The following DGKB variants were observed in gnomAD, a reference collection of about 807,000 sequenced individuals.
DGKB encodes the protein diacylglycerol kinase beta, also known as 90 kDa diacylglycerol kinase.
Under a neutral mutation model 114.3 loss-of-function variants are expected in DGKB, and 67 were observed. The observed-to-expected ratio is 0.59, with a 90% CI of 0.48 to 0.72. DGKB has a LOEUF of 0.72. DGKB is among the 30% of genes least tolerant of loss of function. The pLI is 0.00. For missense variants in DGKB, 907 were observed against 975.2 expected, an observed-to-expected ratio of 0.93 and a Z score of 0.93; for synonymous variants, 398 against 323.1, an observed-to-expected ratio of 1.23 and a Z score of -2.49.
intron 2 of DGKB, among the ~76,000 whole-genome samples, chr7:14,798,132 A>G (rs552393406): frequency 4.6e-5 from 7 of 152,224 alleles, no homozygotes; most frequent in African/African-American, 1.7e-4. Context: ...CATAATTCAG[A>G]AGGGAGCAAT....
chr7:14,890,462 G>A (rs1359957783), intron 1 of DGKB, among the ~76,000 whole-genome samples: 1 of 151,246 alleles, frequency 6.6e-6, no homozygotes, highest in African/African-American at 2.4e-5. Context: ...TTACTTCCAT[G>A]GAAAAATGAT....
At chr7:14,218,395 A>C (rs1209427819) in intron 23 of DGKB, among the ~76,000 whole-genome samples, 3 of 152,102 alleles carry the variant, frequency 2.0e-5, no homozygotes, top group Non-Finnish European at 2.9e-5. Context: ...CATCTTGCAA[A>C]AGCATTCAAT....
chr7:14,587,502 A>G (rs1462714362), intron 17 of DGKB, among the ~76,000 whole-genome samples: 1 of 152,196 alleles, frequency 6.6e-6, no homozygotes, highest in Non-Finnish European at 1.5e-5. Context: ...TTGACAAGGC[A>G]GCAGCAGGAT....
chr7:14,965,384 G>C (rs6948155), intron 1 of DGKB, among the ~76,000 whole-genome samples: 25,588 of 151,948 alleles, frequency 0.17, 2,333 homozygotes, highest in African/African-American at 0.23. Flanking sequence ...AATACCCCAA[G>C]TAGAACTCAG....
chr7:14,201,830 G>T (rs1037172564), intron 23 of DGKB, among the ~76,000 whole-genome samples: 2 of 150,924 alleles, frequency 1.3e-5, no homozygotes, highest in Non-Finnish European at 3.0e-5. Flanking sequence ...TTTGGAGTTT[G>T]TTGTTTTGTT....
In DGKB at chr7:14,275,930, T is replaced by C. The variant is rs138480590; in HGVS notation, c.2122+62585A>G. On this transcript the variant is annotated intron_variant, in intron 23 of 25. Transcript: ENST00000402815. Reference sequence around the variant, plus strand: ...GTTTAATTAATTCTTATCTAATTCATAGAGTAAAGAAATTACTCTTTACTA... The same window carrying C: ...GTTTAATTAATTCTTATCTAATTCACAGAGTAAAGAAATTACTCTTTACTA... 6.1e-3 allele frequency among the ~76,000 whole-genome samples: 926 copies of C among 152,330 alleles called. 13 individuals carry two copies. The highest frequency in any genetic ancestry group is 0.021 in the African/African-American group (882 of 41,580).
chr7:14,292,824 G>T (rs1451974464), intron 23 of DGKB, among the ~76,000 whole-genome samples: 1 of 152,196 alleles, frequency 6.6e-6, no homozygotes, highest in Non-Finnish European at 1.5e-5. Flanking sequence ...GGCTTTGACA[G>T]TGGCTACTCT....
chr7:14,850,147 T>C (rs1450224274), intron 1 of DGKB, among the ~76,000 whole-genome samples: 1 of 152,180 alleles, frequency 6.6e-6, no homozygotes, highest in African/African-American at 2.4e-5. Context: ...GAAGCATCCA[T>C]TGGCAACATG....
intron 9 of DGKB, among the ~76,000 whole-genome samples, chr7:14,690,717 T>G (rs185571271): frequency 1.3e-4 from 20 of 152,344 alleles, no homozygotes; most frequent in Admixed American, 2.6e-4. Context: ...ACTTAATATC[T>G]CTCCCTCTGC....
chr7:14,616,198 TATATACATATATATA>T (rs1585128159), intron 15 of DGKB, among the ~76,000 whole-genome samples: 1 of 147,896 alleles, frequency 6.8e-6, no homozygotes, highest in South Asian at 2.1e-4. Flanking sequence ...TATATACATA[TATATACATATATATA>T]ATATACATAT....
At chr7:14,818,567 G>C (rs1478321869) in intron 2 of DGKB, among the ~76,000 whole-genome samples, 1 of 152,106 alleles carries the variant, frequency 6.6e-6, no homozygotes, top group Non-Finnish European at 1.5e-5. Flanking sequence ...CTGAGTAGAG[G>C]ACATGAAGAA....
chr7:14,858,759 A>C (rs1000180493), intron 1 of DGKB, among the ~76,000 whole-genome samples: 3 of 152,184 alleles, frequency 2.0e-5, no homozygotes, highest in African/African-American at 7.2e-5. Flanking sequence ...AATTGACCAA[A>C]ATATAGAGAC....
intron 4 of DGKB, among the ~76,000 whole-genome samples, chr7:14,742,311 G>C (rs1216798050): frequency 6.6e-6 from 1 of 152,142 alleles, no homozygotes; most frequent in Non-Finnish European, 1.5e-5. Context: ...TCTTCTGTCT[G>C]TCTATGTAGT....
At chr7:14,151,765 T>C (rs184412163) in intron 25 of DGKB, among the ~76,000 whole-genome samples, 17 of 152,216 alleles carry the variant, frequency 1.1e-4, no homozygotes, top group African/African-American at 3.6e-4. Context: ...CGAGAACCAA[T>C]TGGTTGTATT....
At chr7:14,454,461 G>A (rs1429218484) in intron 21 of DGKB, among the ~76,000 whole-genome samples, 1 of 152,014 alleles carries the variant, frequency 6.6e-6, no homozygotes, top group Non-Finnish European at 1.5e-5. Flanking sequence ...CAGTAACTCT[G>A]TGAGATTGTC....
At chr7:14,285,147 A>G (rs1800674811) in intron 23 of DGKB, among the ~76,000 whole-genome samples, 1 of 152,172 alleles carries the variant, frequency 6.6e-6, no homozygotes, top group Admixed American at 6.5e-5. Flanking sequence ...CAAAAATAAC[A>G]TGATTTACTC....
rs140611402 is a variant in DGKB at position 14,547,739 on chromosome 7, A to G, written c.1770+26473T>C. Among the ~76,000 whole-genome samples the G allele has an allele frequency of 4.1e-3, 628 of 152,282 alleles. 5 individuals are homozygous for G. Among genetic ancestry groups the G allele is most frequent in the African/African-American group, 0.014 (588 of 41,566 alleles). ...CATTTTGCAAGTTTAGTCATTAAAA[A>G]CACATGACAGCTAAAAGCAGGTAAG... On this transcript the variant is annotated intron_variant, in intron 20 of 25. Coordinates refer to ENST00000402815, the MANE Select transcript of DGKB (RefSeq NM_001350709.2).
At chr7:14,504,424 C>T (rs765113313) in intron 20 of DGKB, among the ~76,000 whole-genome samples, 9 of 152,122 alleles carry the variant, frequency 5.9e-5, no homozygotes, top group African/African-American at 1.4e-4. Flanking sequence ...CTTATCCGGA[C>T]TCATTAAAGT....
At chr7:14,766,933 G>T (rs2358067) in intron 2 of DGKB, among the ~76,000 whole-genome samples, 29,778 of 151,486 alleles carry the variant, frequency 0.2, 3,196 homozygotes, top group East Asian at 0.37. Flanking sequence ...TAGCCAGAAG[G>T]AAATCATTTG....
Sources: allele counts gnomAD v4.1 joint callset (sites outside exome capture counted in the v4.1 genomes callset), GRCh38; gene constraint gnomAD v4.1.1; transcripts MANE v1.5; gene names NCBI Gene and HGNC (gene_info 2026-07-23, HGNC 2026-07-21).